The following PPARGC1B variants were observed in gnomAD, a reference collection of about 807,000 sequenced individuals.
The protein encoded by PPARGC1B is peroxisome proliferator-activated receptor gamma coactivator 1-beta.
In PPARGC1B, 34 loss-of-function variants were observed where a neutral mutation model predicts 101.6. That is an observed-to-expected ratio of 0.33 (90% confidence interval 0.25 to 0.45). The LOEUF is 0.45. Among genes scored for constraint, PPARGC1B ranks in the 20% least tolerant of loss-of-function variants. PPARGC1B has a pLI of 1.00. For synonymous variants in PPARGC1B, 548 were observed against 539.3 expected, an observed-to-expected ratio of 1.02 and a Z score of -0.22; for missense variants, 1,234 against 1,317.6, an observed-to-expected ratio of 0.94 and a Z score of 0.98.
intron 1 of PPARGC1B, among the ~76,000 whole-genome samples, chr5:149,815,105 T>A (rs1758004351): frequency 1.3e-5 from 2 of 152,214 alleles, no homozygotes; most frequent in African/African-American, 2.4e-5. Flanking sequence ...GGATCCTGGC[T>A]TCACAGGGAG....
chr5:149,799,742 G>C (rs1011164873), intron 1 of PPARGC1B, among the ~76,000 whole-genome samples: 15 of 115,250 alleles, frequency 1.3e-4, no homozygotes, highest in African/African-American at 4.6e-4. Flanking sequence ...TTGTCACCCA[G>C]GCTGGAGTGC....
chr5:149,762,198 G>C (rs1278207524), intron 1 of PPARGC1B, among the ~76,000 whole-genome samples: 1 of 150,908 alleles, frequency 6.6e-6, no homozygotes, highest in East Asian at 1.9e-4. Context: ...TCCTGGGCAG[G>C]AGTGCAGGGG....
rs369499422 is a variant in PPARGC1B at position 149,845,855 on chromosome 5, C to T, written c.2912C>T (p.Ser971Phe). ...GAALRKRNEP[S>F]FQLSYGGLRH... ...GCCCTGAGGAAGCGCAACGAGCCCT[C>T]CTTCCAGCTGAGCTACGGAGGGCTC... The change falls in exon 11 of 12, where the codon TCC (serine) becomes TTC (phenylalanine). Residue 971 changes from serine (S) to phenylalanine (F), a missense_variant. Around this residue, in one of 3 missense-constraint regions of PPARGC1B, gnomAD observed 497 missense variants for 529.5 expected, o/e 0.94. Coordinates refer to ENST00000309241, the MANE Select transcript of PPARGC1B (RefSeq NM_133263.4). 1.9e-5 allele frequency: 31 copies of T among 1,614,260 alleles called. No homozygotes were observed. The Middle Eastern group carries it at 9.9e-4, about 52-fold the overall frequency.
Position 149,836,503 on chromosome 5 carries a change from G to A in PPARGC1B, c.2048G>A (p.Arg683His), listed in dbSNP as rs369256348. The A allele has an allele frequency of 8.7e-6, 14 of 1,613,968 alleles. No individual in the cohort carries two copies. Among genetic ancestry groups the A allele is most frequent in the East Asian group, 2.2e-5 (1 of 44,884 alleles). Residue 683 changes from arginine (R) to histidine (H), a missense_variant, in exon 8 of 12, where the codon CGT becomes CAT. Physicochemically the swap from Arg to His is conservative, Grantham distance 29 (BLOSUM62 0). This residue lies in a region of PPARGC1B where 497 missense variants were observed against 529.5 expected (regional missense o/e 0.94). Transcript: ENST00000309241. ...AQPASQAGQK[R>H]PFSCSFGDHD... is the part of the protein sequence containing the mutation. ...CCAGCCTCCCAGGCTGGCCAGAAGC[G>A]TCCCTTCTCCTGTTCCTTTGGAGAC...
In PPARGC1B at chr5:149,772,244, T is replaced by C. The variant is rs899908764; in HGVS notation, c.78+41824T>C. 2.6e-6 allele frequency: 4 copies of C among 1,562,472 alleles called. No individual in the cohort carries two copies. In the African/African-American group the frequency reaches 4.1e-5, roughly 16 times the overall value. On this transcript the variant is annotated intron_variant, in intron 1 of 11. Coordinates refer to ENST00000309241, the MANE Select transcript of PPARGC1B (RefSeq NM_133263.4). The stretch of plus-strand genomic sequence containing the variant: ...GACATGCTGCCGGGAGGGTGTTGGG[T>C]AGACACATGGTTGTGATGTGGCGAT...
intron 1 of PPARGC1B, among the ~76,000 whole-genome samples, chr5:149,733,508 T>G (rs550607991): frequency 6.6e-6 from 1 of 152,248 alleles, no homozygotes; most frequent in Non-Finnish European, 1.5e-5. Flanking sequence ...GTGAGTCTGG[T>G]GTCCAGTAAG....
At chr5:149,741,231 C>A (rs1302454763) in intron 1 of PPARGC1B, among the ~76,000 whole-genome samples, 1 of 152,202 alleles carries the variant, frequency 6.6e-6, no homozygotes, top group Non-Finnish European at 1.5e-5. Context: ...ATGTTAGAAA[C>A]CAACCAGGCC....
chr5:149,761,188 A>G (rs140784432), intron 1 of PPARGC1B, among the ~76,000 whole-genome samples: 1 of 152,318 alleles, frequency 6.6e-6, no homozygotes, highest in African/African-American at 2.4e-5. Context: ...TGAAAAGATG[A>G]CCACAATCAA....
At chr5:149,806,503 G>A (rs1207910944) in intron 1 of PPARGC1B, among the ~76,000 whole-genome samples, 2 of 152,164 alleles carry the variant, frequency 1.3e-5, no homozygotes, top group Admixed American at 6.5e-5. Flanking sequence ...GCCAGCCAGG[G>A]CAGGAGATGC....
chr5:149,807,614 C>T (rs746905528), intron 1 of PPARGC1B, among the ~76,000 whole-genome samples: 1 of 152,144 alleles, frequency 6.6e-6, no homozygotes, highest in Non-Finnish European at 1.5e-5. Context: ...AAATAGGGCA[C>T]GTGTTTTGTA....
Position 149,820,518 on chromosome 5 carries a change from C to A in PPARGC1B, c.164C>A (p.Ala55Asp). 1 of 1,614,042 alleles carries A rather than the reference C, an allele frequency of 6.2e-7. No homozygotes were observed. Among genetic ancestry groups the A allele is most frequent in the Non-Finnish European group, 8.5e-7 (1 of 1,180,014 alleles). Residue 55 changes from alanine (A) to aspartate (D), a missense_variant, in exon 2 of 12, where the codon GCC becomes GAC. Around this residue, in one of 3 missense-constraint regions of PPARGC1B, gnomAD observed 734 missense variants for 768.4 expected, o/e 0.96. Coordinates refer to ENST00000309241, the MANE Select transcript of PPARGC1B (RefSeq NM_133263.4). ...CTGGATGCCAGCGACTTTGACTCGGCCACCTGCTTTGGGGAGCTGCAGTGG... is the reference window on the plus strand; with the variant it reads ...CTGGATGCCAGCGACTTTGACTCGGACACCTGCTTTGGGGAGCTGCAGTGG... ...SQLDASDFDS[A>D]TCFGELQWCP...
intron 1 of PPARGC1B, among the ~76,000 whole-genome samples, chr5:149,783,637 C>T (rs1269706244): frequency 6.6e-6 from 1 of 152,180 alleles, no homozygotes; most frequent in Non-Finnish European, 1.5e-5. Flanking sequence ...GATTCTGGTT[C>T]AGCTCTCTGC....
intron 4 of PPARGC1B, 127 bp downstream of exon 4, chr5:149,831,010 A>T: frequency 2.8e-6 from 2 of 723,108 alleles, no homozygotes; most frequent in Non-Finnish European, 5.0e-6. Flanking sequence ...CAGCCCTTGT[A>T]GCTGGTGTCC....
Position 149,822,553 on chromosome 5 carries a change from G to T in PPARGC1B, c.252+1947G>T, listed in dbSNP as rs545245048. Among the ~76,000 whole-genome samples the T allele has an allele frequency of 1.4e-4, 22 of 152,368 alleles. No homozygotes were observed. In the South Asian group the frequency reaches 4.3e-3, roughly 30 times the overall value. ...TGTGGGCTGTGTCTGCATTGTGCAT[G>T]GTTGTATTCCCAGGGCTGTGCACAG... On this transcript the variant is annotated intron_variant, in intron 2 of 11. Coordinates refer to ENST00000309241, the MANE Select transcript of PPARGC1B (RefSeq NM_133263.4).
chr5:149,787,103 A>G (rs1339962807), intron 1 of PPARGC1B, among the ~76,000 whole-genome samples: 1 of 152,266 alleles, frequency 6.6e-6, no homozygotes, highest in Non-Finnish European at 1.5e-5. Flanking sequence ...CTTTCCAGCC[A>G]ATGGGAGAAA....
intron 1 of PPARGC1B, among the ~76,000 whole-genome samples, chr5:149,741,650 C>G (rs982540430): frequency 1.2e-4 from 18 of 145,404 alleles, no homozygotes; most frequent in Non-Finnish European, 2.5e-4. Flanking sequence ...TTTCGTGAGA[C>G]AGAGTCTTAC....
At chr5:149,812,809 G>A (rs1226342656) in intron 1 of PPARGC1B, among the ~76,000 whole-genome samples, 1 of 152,186 alleles carries the variant, frequency 6.6e-6, no homozygotes, top group African/African-American at 2.4e-5. Flanking sequence ...TGTAGCCATA[G>A]GATACTTTAA....
In PPARGC1B at chr5:149,832,998, C is replaced by G; in HGVS notation, c.925C>G (p.Pro309Ala). ...CCAGAGGAAGCTGCCCCCACAGACC[C>G]CTGAGCCACTCCCCAAGGCCTGCAG... ...LPQRKLPPQT[P>A]EPLPKACSNP... Residue 309 changes from proline to alanine, a missense_variant, in exon 5 of 12, where the codon CCT becomes GCT. Around this residue, in one of 3 missense-constraint regions of PPARGC1B, gnomAD observed 734 missense variants for 768.4 expected, o/e 0.96. Transcript: ENST00000309241. The surrounding 1 kb of genome is among the most constrained non-coding windows in gnomAD (Gnocchi z 4.9). 1.2e-6 allele frequency: 2 copies of G among 1,613,620 alleles called. No homozygotes were observed. Among genetic ancestry groups the G allele is most frequent in the South Asian group, 1.1e-5 (1 of 91,076 alleles).
chr5:149,734,961 C>G (rs954904418), intron 1 of PPARGC1B, among the ~76,000 whole-genome samples: 2 of 152,150 alleles, frequency 1.3e-5, no homozygotes, highest in Admixed American at 6.5e-5. Context: ...GGACTGAGCA[C>G]CCAGAAGGGC....
Sources: gnomAD v4.1 joint callset for allele counts (sites outside exome capture counted in the v4.1 genomes callset) on GRCh38, gnomAD v4.1.1 for gene constraint, gnomAD v4.1.1 regional missense constraint, Gnocchi (gnomAD v3.1) non-coding constraint, MANE v1.5 for transcripts, NCBI Gene and HGNC (gene_info 2026-07-23, HGNC 2026-07-21) for gene names.